Variants in GLT1D1 observed in about 807,000 individuals in gnomAD.
GLT1D1 encodes the protein glycosyltransferase 1 domain containing 1.
GLT1D1 carries 21 observed loss-of-function variants against 28.7 expected under a neutral mutation model. That is an observed-to-expected ratio of 0.73 (90% CI 0.52 to 1.05). GLT1D1 has a LOEUF of 1.05. Among genes scored for constraint, GLT1D1 ranks in the 50% least tolerant of loss-of-function variants. The probability of loss-of-function intolerance (pLI) is 0.00; values close to 1 mark genes in which losing one functional copy is unlikely to be tolerated. For synonymous variants in GLT1D1, 147 were observed against 124.8 expected, an observed-to-expected ratio of 1.18 and a Z score of -1.19; for missense variants, 343 against 330.6, an observed-to-expected ratio of 1.04 and a Z score of -0.29.
chr12:128,929,932 C>T lies in GLT1D1; in HGVS notation c.376-15394C>T, dbSNP rs1280601908. Among the ~76,000 whole-genome samples the T allele has an allele frequency of 7.9e-5, 12 of 152,316 alleles. No homozygotes were observed. In the East Asian group the frequency reaches 9.6e-4, roughly 12 times the overall value. Reference sequence around the variant, plus strand: ...CGGAGGTTGCAGTGAGCCAAGATTGCGCCACTGCACTCCAGCCTGGGTGAC... The same window carrying T: ...CGGAGGTTGCAGTGAGCCAAGATTGTGCCACTGCACTCCAGCCTGGGTGAC... On this transcript the variant is annotated intron_variant, in intron 4 of 7. Transcript: ENST00000281703.
intron 7 of GLT1D1, 116 bp downstream of exon 11, chr12:128,957,759 G>A (rs190818624): frequency 8.8e-6 from 6 of 681,264 alleles, no homozygotes; most frequent in Non-Finnish European, 1.3e-5. Context: ...CCGGAGCCCT[G>A]CGGAGAGCAT....
intron 4 of GLT1D1, among the ~76,000 whole-genome samples, chr12:128,930,753 C>T (rs867984505): frequency 6.6e-6 from 1 of 152,044 alleles, no homozygotes; most frequent in Non-Finnish European, 1.5e-5. Context: ...AGACTCTGGG[C>T]GCGTGTAAGC....
chr12:128,968,873 CG>C (rs753039690), intron 7 of GLT1D1, among the ~76,000 whole-genome samples: 1 of 152,032 alleles, frequency 6.6e-6, no homozygotes, highest in Non-Finnish European at 1.5e-5. Flanking sequence ...AGCCTGAGCT[CG>C]GGCAGCGCCA....
intron 7 of GLT1D1, among the ~76,000 whole-genome samples, chr12:128,973,919 G>GGTGTGT (rs61317527): frequency 3.3e-4 from 33 of 100,998 alleles, no homozygotes; most frequent in Non-Finnish European, 5.4e-4. Flanking sequence ...GTGTGTAGGG[G>GGTGTGT]GTGTGTGTGT....
intron 4 of GLT1D1, among the ~76,000 whole-genome samples, chr12:128,930,918 G>C (rs1873790171): frequency 6.6e-6 from 1 of 151,872 alleles, no homozygotes; most frequent in Non-Finnish European, 1.5e-5. Flanking sequence ...AGAGACGACC[G>C]TTGTTGCTGC....
Position 128,874,068 on chromosome 12 carries a change from CTTTCTTT to C in GLT1D1, c.69-1845_69-1839del, listed in dbSNP as rs1566090847. Among the ~76,000 whole-genome samples the C allele has an allele frequency of 7.6e-3, 140 of 18,534 alleles. 2 individuals are homozygous for C. Among genetic ancestry groups the C allele is most frequent in the Admixed American group, 0.053 (75 of 1,418 alleles). The allele number at this position is 18,534 out of a possible 152,430, so 12.2% of individuals were successfully genotyped here. A position where few individuals can be genotyped will look rare whatever the true frequency, so the allele number is the denominator to read the frequency against. On this transcript the variant is annotated intron_variant, in intron 1 of 7. Transcript: ENST00000281703. ...GCCTCCCTCCCTCCCTCCTTTCTTT[CTTTCTTT>C]CTTTCTTTCTTTCTTTCTTTCTTTC... is the stretch of plus-strand genomic sequence containing the variant.
At chr12:128,862,500 A>C (rs185158084) in intron 1 of GLT1D1, among the ~76,000 whole-genome samples, 32 of 152,060 alleles carry the variant, frequency 2.1e-4, no homozygotes, top group Admixed American at 1.4e-3. Context: ...TACAAAACAT[A>C]CACCAATTAG....
At position 128,875,818 on chromosome 12, in the gene GLT1D1, C is replaced by T. The variant is rs563754889; in HGVS notation, c.69-96C>T. Reference sequence around the variant, plus strand: ...TCTGTCTCAACAACAACAACAACAACAACCAAAAAAAAAAAAAGTCTTAAC... The same window carrying T: ...TCTGTCTCAACAACAACAACAACAATAACCAAAAAAAAAAAAAGTCTTAAC... On this transcript the variant is annotated intron_variant, in intron 1 of 7. Transcript: ENST00000281703. 125 of 1,154,678 alleles carry T rather than the reference C, an allele frequency of 1.1e-4. 1 individual carries two copies. In the East Asian group the frequency reaches 2.6e-3, roughly 24 times the overall value. 71.5% of individuals were successfully genotyped at this position (1,154,678 alleles called of 1,614,324 possible).
At chr12:128,867,397 C>CAAAAAAAAAAAAAAAAAA (rs1158997935) in intron 1 of GLT1D1, among the ~76,000 whole-genome samples, 1 of 59,304 alleles carries the variant, frequency 1.7e-5, no homozygotes, top group Admixed American at 2.5e-4. Flanking sequence ...AACTCCTTCT[C>CAAAAAAAAAAAAAAAAAA]AAAAAAAAAA....
At chr12:128,874,985 A>G (rs1956837482) in intron 1 of GLT1D1, among the ~76,000 whole-genome samples, 2 of 151,942 alleles carry the variant, frequency 1.3e-5, no homozygotes, top group Admixed American at 6.6e-5. Flanking sequence ...GGTATTTTAT[A>G]TTTATGTTAC....
chr12:128,931,912 C>CGCAT (rs1192846609), intron 4 of GLT1D1, among the ~76,000 whole-genome samples: 15 of 114,284 alleles, frequency 1.3e-4, no homozygotes, highest in East Asian at 3.7e-4. Context: ...TGCACACACA[C>CGCAT]GCACGCACAC....
chr12:128,875,614 T>G (rs1280094948), intron 1 of GLT1D1, among the ~76,000 whole-genome samples: 1 of 152,104 alleles, frequency 6.6e-6, no homozygotes, highest in African/African-American at 2.4e-5. Context: ...TTGGCCAACA[T>G]GGTGAAACCC....
At chr12:128,857,356 G>A (rs901741229) in intron 1 of GLT1D1, among the ~76,000 whole-genome samples, 15 of 152,116 alleles carry the variant, frequency 9.9e-5, no homozygotes, top group Admixed American at 7.2e-4. Context: ...TAGTCACTTC[G>A]TTCTTTCTTT....
chr12:128,866,282 G>C (rs912739912), intron 1 of GLT1D1, among the ~76,000 whole-genome samples: 1 of 150,478 alleles, frequency 6.6e-6, no homozygotes, highest in African/African-American at 2.5e-5. Context: ...TGTTAGCCAG[G>C]ATGCTCTCGA....
At chr12:128,956,045 G>A (rs1159072594) in intron 6 of GLT1D1, among the ~76,000 whole-genome samples, 4 of 151,276 alleles carry the variant, frequency 2.6e-5, no homozygotes, top group Non-Finnish European at 5.9e-5. Flanking sequence ...TGTAGTCCCA[G>A]CTACTCGGGA....
At chr12:128,930,917 C>T (rs953027048) in intron 4 of GLT1D1, among the ~76,000 whole-genome samples, 1 of 151,906 alleles carries the variant, frequency 6.6e-6, no homozygotes, top group South Asian at 2.1e-4. Flanking sequence ...GAGAGACGAC[C>T]GTTGTTGCTG....
chr12:128,939,853 G>T (rs1202853134), intron 4 of GLT1D1, among the ~76,000 whole-genome samples: 1 of 61,964 alleles, frequency 1.6e-5, no homozygotes, highest in Non-Finnish European at 3.3e-5. Flanking sequence ...CCCCACCGCC[G>T]ATCCAATCAC....
intron 4 of GLT1D1, among the ~76,000 whole-genome samples, chr12:128,909,909 C>T (rs1313262665): frequency 6.6e-6 from 1 of 152,216 alleles, no homozygotes; most frequent in Admixed American, 6.5e-5. Context: ...AGGACTTTGA[C>T]TCATGTTATT....
intron 4 of GLT1D1, chr12:128,914,962 A>G: frequency 6.5e-7 from 1 of 1,536,058 alleles, no homozygotes; most frequent in Non-Finnish European, 8.7e-7. Context: ...CGCCGCTTTT[A>G]ACTGGAATAC....
Sources: allele counts gnomAD v4.1 joint callset (sites outside exome capture counted in the v4.1 genomes callset), GRCh38; gene constraint gnomAD v4.1.1; transcripts MANE v1.5; gene names NCBI Gene and HGNC (gene_info 2026-07-23, HGNC 2026-07-21).